The following PRELID2 variants were observed in gnomAD, a reference collection of about 807,000 sequenced individuals.
PRELID2 encodes PRELI domain-containing protein 2.
A neutral mutation model predicts 28.4 loss-of-function variants in PRELID2; 25 were observed. That is an observed-to-expected ratio of 0.88 (90% confidence interval 0.64 to 1.23). The LOEUF is 1.23. PRELID2 is among the 50% of genes most tolerant of loss of function. The probability of loss-of-function intolerance (pLI) is 0.00; values close to 1 mark genes in which losing one functional copy is unlikely to be tolerated. For synonymous variants in PRELID2, 76 were observed against 71.6 expected (o/e 1.06, Z -0.31); for missense variants, 201 against 214.4 (o/e 0.94, Z 0.39).
chr5:145,229,052 C>T, the PRELID2 span: 38 of 1,595,174 alleles, frequency 2.4e-5, no homozygotes, highest in South Asian at 5.5e-5. Context: ...TCCAGTCCAG[C>T]GCACTGTATG....
intron 1 of PRELID2, among the ~76,000 whole-genome samples, chr5:145,537,417 A>G (rs1330892862): frequency 6.6e-6 from 1 of 151,904 alleles, no homozygotes; most frequent in African/African-American, 2.4e-5. Context: ...CCATAACTAT[A>G]CTAGTTTACA....
intron 1 of PRELID2, among the ~76,000 whole-genome samples, chr5:145,480,616 G>A (rs971330194): frequency 3.9e-5 from 6 of 152,142 alleles, no homozygotes; most frequent in African/African-American, 1.4e-4. Flanking sequence ...CTTCAATGGA[G>A]GATATCATTA....
the PRELID2 span, among the ~76,000 whole-genome samples, chr5:145,307,049 A>G: frequency 1.3e-5 from 2 of 152,270 alleles, no homozygotes; most frequent in East Asian, 3.9e-4. Flanking sequence ...GTAATTTTTC[A>G]CAATGGACCT....
chr5:145,501,387 G>T (rs1752358737), intron 1 of PRELID2, among the ~76,000 whole-genome samples: 1 of 152,010 alleles, frequency 6.6e-6, no homozygotes, highest in South Asian at 2.1e-4. Flanking sequence ...ATTCTGTAGG[G>T]GCTTGATATG....
chr5:145,757,383 C>T lies in PRELID2; in HGVS notation c.*3153G>A, dbSNP rs1030685268. Among the ~76,000 whole-genome samples, 2 of 152,188 alleles carry T rather than the reference C, an allele frequency of 1.3e-5. No homozygotes were observed. The highest frequency in any genetic ancestry group is 2.9e-5 in the Non-Finnish European group (2 of 68,042). On this transcript the variant is annotated 3_prime_UTR_variant, in exon 7 of 7. Transcript: ENST00000683046. Reference sequence around the variant, plus strand: ...CAACTGAAATTCCACGAATCAGAATCGCTGGGGAAAGGGACTGAGAACCTG... The same window carrying T: ...CAACTGAAATTCCACGAATCAGAATTGCTGGGGAAAGGGACTGAGAACCTG...
intron 4 of PRELID2, among the ~76,000 whole-genome samples, chr5:145,810,534 C>T (rs778007744): frequency 5.9e-5 from 9 of 152,134 alleles, no homozygotes; most frequent in Non-Finnish European, 1.0e-4. Flanking sequence ...CTCATAGCCC[C>T]AAAGATGTGT....
the PRELID2 span, among the ~76,000 whole-genome samples, chr5:145,317,555 T>C: frequency 6.6e-6 from 1 of 152,152 alleles, no homozygotes; most frequent in Non-Finnish European, 1.5e-5. Context: ...GTCTGCCAGG[T>C]CATTAGGCTT....
chr5:145,389,193 C>T, the PRELID2 span, among the ~76,000 whole-genome samples: 96,527 of 151,888 alleles, frequency 0.64, 31,001 homozygotes, highest in East Asian at 0.89. Flanking sequence ...CCTCCCCTAC[C>T]GCTTGTAGCA....
At chr5:145,741,991 T>TTATA (rs1756813655) in intron 1 of PRELID2, among the ~76,000 whole-genome samples, 1 of 62,754 alleles carries the variant, frequency 1.6e-5, no homozygotes, top group Non-Finnish European at 3.1e-5. Flanking sequence ...TATAATAAAT[T>TTATA]TATTATAAAT....
At chr5:145,763,667 G>A (rs1354806307) in intron 6 of PRELID2, among the ~76,000 whole-genome samples, 1 of 152,186 alleles carries the variant, frequency 6.6e-6, no homozygotes, top group Non-Finnish European at 1.5e-5. Flanking sequence ...ATACCAGGTT[G>A]CTTACACAAG....
chr5:145,579,740 G>A (rs1333147746), intron 1 of PRELID2, among the ~76,000 whole-genome samples: 1 of 152,040 alleles, frequency 6.6e-6, no homozygotes, highest in Non-Finnish European at 1.5e-5. Context: ...GAGGAGGGGT[G>A]TTGGCAAGTT....
At chr5:145,776,009 T>C (rs1413867121) in intron 5 of PRELID2, among the ~76,000 whole-genome samples, 2 of 145,744 alleles carry the variant, frequency 1.4e-5, no homozygotes, top group African/African-American at 2.5e-5. Flanking sequence ...AAATAAACCA[T>C]GGGCTGTTTT....
chr5:145,234,743 G>T, the PRELID2 span, among the ~76,000 whole-genome samples: 4 of 152,020 alleles, frequency 2.6e-5, no homozygotes, highest in African/African-American at 4.8e-5. Context: ...CTGAAGAAAC[G>T]TTGCCTCAAG....
In PRELID2 at chr5:145,584,868, A is replaced by G. The variant is rs116239225; in HGVS notation, n.71-111553T>C. ...TGAATTAGTTCAACCGTGGTAGAAG[A>G]CAGTGTGGAAACTCTTCAAAGATCT... is the stretch of plus-strand genomic sequence containing the variant. On this transcript the variant is annotated intron_variant and non_coding_transcript_variant, in intron 1 of 2. Transcript: ENST00000510259. Among the ~76,000 whole-genome samples, 196 of 152,270 alleles carry G rather than the reference A, an allele frequency of 1.3e-3. 2 individuals are homozygous for G. Among genetic ancestry groups the G allele is most frequent in the African/African-American group, 4.6e-3 (192 of 41,566 alleles).
chr5:145,793,946 T>C (rs944302897), intron 5 of PRELID2, among the ~76,000 whole-genome samples: 2 of 152,170 alleles, frequency 1.3e-5, no homozygotes, highest in African/African-American at 4.8e-5. Context: ...CTGGTCCATG[T>C]GGTCATGGCA....
chr5:145,806,065 C>A (rs1753482889), intron 4 of PRELID2, among the ~76,000 whole-genome samples: 2 of 152,178 alleles, frequency 1.3e-5, no homozygotes, highest in Admixed American at 6.5e-5. Context: ...TATTACTGTA[C>A]ACTGCTGTAG....
the PRELID2 span, among the ~76,000 whole-genome samples, chr5:145,242,943 A>G: frequency 6.6e-6 from 1 of 152,146 alleles, no homozygotes; most frequent in East Asian, 1.9e-4. Flanking sequence ...ATACATATTT[A>G]AATACCATTT....
At chr5:145,463,953 A>G in the PRELID2 span, among the ~76,000 whole-genome samples, 1 of 152,220 alleles carries the variant, frequency 6.6e-6, no homozygotes, top group African/African-American at 2.4e-5. Context: ...GTTCTGATCA[A>G]CAGGACAACA....
At chr5:145,751,431 T>G (rs536116238), downstream of PRELID2, among the ~76,000 whole-genome samples, 5 of 152,336 alleles carry the variant, frequency 3.3e-5, no homozygotes, top group Admixed American at 3.3e-4. Context: ...GGCAATGTAC[T>G]GATCACAAGT....
Sources: allele counts gnomAD v4.1 joint callset (sites outside exome capture counted in the v4.1 genomes callset), GRCh38; gene constraint gnomAD v4.1.1; transcripts MANE v1.5; gene names NCBI Gene and HGNC (gene_info 2026-07-23, HGNC 2026-07-21).